Variants in LONP1 observed in about 807,000 individuals in gnomAD.
LONP1 encodes the protein lon protease homolog, mitochondrial.
In LONP1, 31 loss-of-function variants were observed where a neutral mutation model predicts 98.5. The observed-to-expected ratio is 0.31, with a 90% CI of 0.24 to 0.42. The LOEUF (loss-of-function observed/expected upper bound fraction) is 0.42. LONP1 is among the 20% of genes least tolerant of loss of function. LONP1 has a pLI of 1.00. For synonymous variants in LONP1, 781 were observed against 594.7 expected, an observed-to-expected ratio of 1.31 and a Z score of -4.56; for missense variants, 1,336 against 1,350.6, an observed-to-expected ratio of 0.99 and a Z score of 0.17.
At chr19:5,720,344 T>G (rs2055424439), upstream of LONP1, 4 of 723,108 alleles carry the variant, frequency 5.5e-6, no homozygotes, top group Non-Finnish European at 6.3e-6. Flanking sequence ...GCTGAAGGCC[T>G]TTTCCGGTCA....
At position 5,708,421 on chromosome 19, in the gene LONP1, G is replaced by A; in HGVS notation, c.871-18C>T. 6.2e-7 allele frequency: 1 copy of A among 1,605,444 alleles called. No individual in the cohort carries two copies. The highest frequency in any genetic ancestry group is 2.2e-5 in the East Asian group (1 of 44,850). ...GTCAGGGCCTGCCAAGTATGGGGCAGGGTCGCTGGGGCCCAGCAGTGCTCC... is the reference window on the plus strand; with the variant it reads ...GTCAGGGCCTGCCAAGTATGGGGCAAGGTCGCTGGGGCCCAGCAGTGCTCC... On this transcript the variant is annotated intron_variant, in intron 4 of 17. Transcript: ENST00000360614.
At chr19:5,695,313 C>T (rs1443021876) in intron 13 of LONP1, among the ~76,000 whole-genome samples, 1 of 152,122 alleles carries the variant, frequency 6.6e-6, no homozygotes, top group Non-Finnish European at 1.5e-5. Flanking sequence ...ATTCTTGCCA[C>T]AGTTCTGAGC....
intron 5 of LONP1, 169 bp from the exon 6 acceptor site, chr19:5,707,995 C>A: frequency 2.6e-6 from 2 of 763,276 alleles, no homozygotes; most frequent in Admixed American, 2.9e-5. Flanking sequence ...GAGTTCAGGG[C>A]CCACCCGTCC....
intron 8 of LONP1, among the ~76,000 whole-genome samples, chr19:5,704,407 G>A (rs772855495): frequency 4.3e-4 from 65 of 152,198 alleles, no homozygotes; most frequent in Non-Finnish European, 7.3e-4. Flanking sequence ...GCCTTCGCGC[G>A]CAACCAGTGC....
intron 8 of LONP1, among the ~76,000 whole-genome samples, chr19:5,702,834 G>A (rs2055079808): frequency 6.6e-6 from 1 of 151,036 alleles, no homozygotes; most frequent in African/African-American, 2.4e-5. Flanking sequence ...CTGGTTAAGA[G>A]TCATCACCAC....
intron 3 of LONP1, chr19:5,712,439 A>G (rs564832213): frequency 1.0e-4 from 19 of 183,770 alleles, no homozygotes; most frequent in Admixed American, 1.7e-4. Flanking sequence ...GACTGTCCCC[A>G]AGCACTTCAC....
chr19:5,702,849 T>C (rs2055080020), intron 8 of LONP1, among the ~76,000 whole-genome samples: 1 of 151,044 alleles, frequency 6.6e-6, no homozygotes, highest in African/African-American at 2.4e-5. Flanking sequence ...CACCACTCCC[T>C]AATCTCAAGT....
chr19:5,699,147 T>C lies in LONP1; in HGVS notation c.1565A>G (p.Tyr522Cys), dbSNP rs139117478. 1.6e-5 allele frequency: 25 copies of C among 1,555,624 alleles called. No individual in the cohort carries two copies. The highest frequency in any genetic ancestry group is 2.0e-5 in the Non-Finnish European group (23 of 1,143,738). ...GGTCTTACCCACGCCAGGGGGGCCA[T>C]AGAAGCAGAGGATCTTGCCCTGGGT... ...GSTQGKILCF[Y>C]GPPGVGKTSI... The change falls in exon 10 of 18, where the codon TAT becomes TGT. Residue 522 changes from tyrosine (Y) to cysteine (C), a missense_variant. Transcript: ENST00000360614.
chr19:5,704,150 G>A (rs575317989), intron 8 of LONP1, among the ~76,000 whole-genome samples: 1 of 152,188 alleles, frequency 6.6e-6, no homozygotes, highest in Non-Finnish European at 1.5e-5. Flanking sequence ...AGACTGACTG[G>A]AAGAGGCTGC....
chr19:5,714,159 GA>G (rs746022719), intron 2 of LONP1, 23 bp downstream of exon 2: 1 of 1,587,166 alleles, frequency 6.3e-7, no homozygotes, highest in Admixed American at 1.7e-5. Context: ...GTCAACAAGG[GA>G]ATGAAGGAAA....
chr19:5,696,275 G>A lies in LONP1; in HGVS notation c.1870C>T (p.Leu624=), dbSNP rs775171767. 6.2e-6 allele frequency: 10 copies of A among 1,613,304 alleles called. No individual in the cohort carries two copies. Among genetic ancestry groups the A allele is most frequent in the Non-Finnish European group, 8.5e-6 (10 of 1,179,896 alleles). The change falls in exon 12 of 18, where the codon CTG becomes TTG. Residue 624 remains leucine, a synonymous_variant. Coordinates refer to ENST00000360614, the MANE Select transcript of LONP1 (RefSeq NM_004793.4). ...TTGGACAAGTCCACGGGCACGTCCA[G>A]GTAGTGGTCCAGGAAGTTGGCATTC... ...EQNANFLDHY[L]DVPVDLSKVL... is the part of the protein sequence containing the mutation.
chr19:5,720,255 A>G, upstream of LONP1: 1 of 1,315,804 alleles, frequency 7.6e-7, no homozygotes, highest in Non-Finnish European at 9.8e-7. Flanking sequence ...CGCTTCAGGG[A>G]GCTGGGCCTA....
chr19:5,698,662 T>A (rs1196806287), intron 10 of LONP1, among the ~76,000 whole-genome samples: 4 of 152,108 alleles, frequency 2.6e-5, no homozygotes, highest in Admixed American at 2.6e-4. Flanking sequence ...CCCCTAGTCC[T>A]GGGGCATCAG....
rs552310273 is a variant in LONP1 at position 5,712,317 on chromosome 19, G to A, written c.639-315C>T. Reference sequence around the variant, plus strand: ...AGCCCCAGGGCCTCCTGTCGAAAACGGTGTCAGCCTGGCCGGGCACAGGCT... The same window carrying A: ...AGCCCCAGGGCCTCCTGTCGAAAACAGTGTCAGCCTGGCCGGGCACAGGCT... On this transcript the variant is annotated intron_variant, in intron 3 of 17. Transcript: ENST00000360614. 1.2e-3 allele frequency: 377 copies of A among 318,014 alleles called. 6 individuals carry two copies. The South Asian group carries it at 0.016, about 14-fold the overall frequency. The allele number at this position is 318,014 out of a possible 1,614,324, so 19.7% of individuals were successfully genotyped here. A position where few individuals can be genotyped will look rare whatever the true frequency, so the allele number is the denominator to read the frequency against.
chr19:5,704,557 C>G (rs1395154412), intron 8 of LONP1, among the ~76,000 whole-genome samples: 1 of 152,354 alleles, frequency 6.6e-6, no homozygotes, highest in South Asian at 2.1e-4. Context: ...GCCCCGGGGA[C>G]TTCTGCCTAG....
chr19:5,704,424 G>C (rs976416469), intron 8 of LONP1, among the ~76,000 whole-genome samples: 3 of 152,194 alleles, frequency 2.0e-5, no homozygotes, highest in Admixed American at 2.0e-4. Flanking sequence ...GTGCCTCTCA[G>C]GGCCCTGGGG....
chr19:5,715,647 A>T (rs2055305777), intron 1 of LONP1, among the ~76,000 whole-genome samples: 1 of 54,728 alleles, frequency 1.8e-5, no homozygotes, highest in Non-Finnish European at 4.2e-5. Flanking sequence ...GTCTCATAAA[A>T]AAAAAAAAAA....
intron 1 of LONP1, chr19:5,717,439 A>G (rs1367194724): frequency 6.6e-6 from 1 of 152,240 alleles, no homozygotes; most frequent in East Asian, 1.9e-4. Context: ...ACCACCTGCC[A>G]GTCTCCCAAA....
chr19:5,692,666 G>T (rs181979745), intron 17 of LONP1, among the ~76,000 whole-genome samples: 1 of 152,180 alleles, frequency 6.6e-6, no homozygotes, highest in Non-Finnish European at 1.5e-5. Flanking sequence ...ACAGCCCCTT[G>T]AAAGGACAGC....
Sources: gnomAD v4.1 joint callset for allele counts (sites outside exome capture counted in the v4.1 genomes callset) on GRCh38, gnomAD v4.1.1 for gene constraint, MANE v1.5 for transcripts, NCBI Gene and HGNC (gene_info 2026-07-23, HGNC 2026-07-21) for gene names.